RHBDD1: variants seen among roughly 807,000 people sequenced by gnomAD.
RHBDD1 encodes the protein rhomboid-related protein 4.
A neutral mutation model predicts 36.3 loss-of-function variants in RHBDD1; 38 were observed. That is an observed-to-expected ratio of 1.05 (90% CI 0.81 to 1.37). RHBDD1 has a LOEUF of 1.37. Among genes scored for constraint, RHBDD1 ranks in the 40% most tolerant of loss-of-function variants. The pLI, the probability that RHBDD1 is intolerant of heterozygous loss-of-function variation, is 0.00. For synonymous variants in RHBDD1, 151 were observed against 136.5 expected, an observed-to-expected ratio of 1.11 and a Z score of -0.74; for missense variants, 393 against 377.6, an observed-to-expected ratio of 1.04 and a Z score of -0.34.
In RHBDD1 at chr2:226,904,418, G is replaced by T. The variant is rs536040090; in HGVS notation, c.567-2375G>T. Among the ~76,000 whole-genome samples the T allele has an allele frequency of 2.7e-5, 4 of 148,714 alleles. 1 individual carries two copies. Among genetic ancestry groups the T allele is most frequent in the Admixed American group, 6.7e-5 (1 of 14,870 alleles). Reference sequence around the variant, plus strand: ...CACTGTGGCACATCCTGCAAGCGGGGGGGGAGGGGGGTCAGGGAACTCCTG... The same window carrying T: ...CACTGTGGCACATCCTGCAAGCGGGTGGGGAGGGGGGTCAGGGAACTCCTG... On this transcript the variant is annotated intron_variant, in intron 5 of 8. Coordinates refer to ENST00000392062, the MANE Select transcript of RHBDD1 (RefSeq NM_001167608.3).
chr2:226,885,657 A>G (rs998064617), intron 5 of RHBDD1, among the ~76,000 whole-genome samples: 10 of 152,216 alleles, frequency 6.6e-5, no homozygotes, highest in African/African-American at 2.4e-4. Flanking sequence ...AGTTAACTCA[A>G]GGTTGTGGAA....
At chr2:226,889,576 A>C (rs1462068456) in intron 5 of RHBDD1, among the ~76,000 whole-genome samples, 1 of 152,234 alleles carries the variant, frequency 6.6e-6, no homozygotes, top group Non-Finnish European at 1.5e-5. Context: ...TACAAATTAG[A>C]AATCAGTAGA....
At chr2:226,898,851 T>A (rs1284240138) in intron 5 of RHBDD1, among the ~76,000 whole-genome samples, 1 of 152,100 alleles carries the variant, frequency 6.6e-6, no homozygotes, top group Non-Finnish European at 1.5e-5. Flanking sequence ...TCGTGGAGAG[T>A]ACAATAGGCC....
upstream of RHBDD1, among the ~76,000 whole-genome samples, chr2:226,830,594 T>G (rs567779144): frequency 5.3e-5 from 8 of 152,342 alleles, no homozygotes; most frequent in Admixed American, 1.3e-4. Flanking sequence ...ACCCTCAGAC[T>G]CTTGGGCTCA....
At chr2:226,870,186 T>C (rs2303856) in intron 5 of RHBDD1, among the ~76,000 whole-genome samples, 28,313 of 152,084 alleles carry the variant, frequency 0.19, 4,308 homozygotes, top group African/African-American at 0.42. Context: ...ACAGCCTCTC[T>C]GAGCCTCATT....
rs150889701 is a variant in RHBDD1 at position 226,915,687 on chromosome 2, C to T, written c.856+1336C>T. 6.6e-5 allele frequency among the ~76,000 whole-genome samples: 10 copies of T among 152,078 alleles called. No individual in the cohort carries two copies. In the East Asian group the frequency reaches 1.7e-3, roughly 26 times the overall value. ...CATGGAGGTGGGGAATGACAACAAG[C>T]GGGAGACAAGTTGGAAGACTATATT... On this transcript the variant is annotated intron_variant, in intron 8 of 8. Coordinates refer to ENST00000392062, the MANE Select transcript of RHBDD1 (RefSeq NM_001167608.3).
At chr2:226,987,108 A>G (rs1330531350) in intron 8 of RHBDD1, among the ~76,000 whole-genome samples, 2 of 152,214 alleles carry the variant, frequency 1.3e-5, no homozygotes, top group Non-Finnish European at 2.9e-5. Context: ...GTTCTCGCTC[A>G]TAAGTGGGAG....
chr2:226,833,240 A>G (rs1280282856), upstream of RHBDD1, among the ~76,000 whole-genome samples: 1 of 152,246 alleles, frequency 6.6e-6, no homozygotes, highest in Non-Finnish European at 1.5e-5. Context: ...ATTTTGGTAC[A>G]GTTTTGGGTA....
intron 8 of RHBDD1, among the ~76,000 whole-genome samples, chr2:226,932,239 A>T (rs79454358): frequency 0.014 from 2,089 of 152,234 alleles, 42 homozygotes; most frequent in African/African-American, 0.048. Flanking sequence ...GCTGTATTAC[A>T]CTTCATCCTG....
chr2:226,924,886 T>A (rs950364075), intron 8 of RHBDD1, among the ~76,000 whole-genome samples: 6 of 152,230 alleles, frequency 3.9e-5, no homozygotes, highest in African/African-American at 1.4e-4. Context: ...AGGAGTGGCA[T>A]TGGCAATTCA....
the RHBDD1 span, among the ~76,000 whole-genome samples, chr2:226,806,318 A>G: frequency 1.3e-5 from 2 of 152,116 alleles, no homozygotes; most frequent in Admixed American, 6.5e-5. Context: ...GGAATTGTTC[A>G]AATCAAAGCT....
At chr2:226,890,064 A>G (rs1442942690) in intron 5 of RHBDD1, among the ~76,000 whole-genome samples, 1 of 152,200 alleles carries the variant, frequency 6.6e-6, no homozygotes, top group African/African-American at 2.4e-5. Context: ...ACCTGCAGGT[A>G]CAAGGTGAGG....
chr2:226,918,997 A>G (rs932598207), intron 8 of RHBDD1, among the ~76,000 whole-genome samples: 1 of 152,042 alleles, frequency 6.6e-6, no homozygotes, highest in Non-Finnish European at 1.5e-5. Context: ...TCTCTTGCAT[A>G]AAAGCCATTT....
intron 8 of RHBDD1, among the ~76,000 whole-genome samples, chr2:226,935,949 A>G (rs557266456): frequency 2.0e-5 from 3 of 152,252 alleles, no homozygotes; most frequent in African/African-American, 4.8e-5. Flanking sequence ...AATGTATGCA[A>G]ATTTTCACTG....
At chr2:226,873,350 A>G (rs957192397) in intron 5 of RHBDD1, among the ~76,000 whole-genome samples, 1 of 152,178 alleles carries the variant, frequency 6.6e-6, no homozygotes, top group Non-Finnish European at 1.5e-5. Flanking sequence ...TCCAGTGACA[A>G]CTGATATGGG....
intron 8 of RHBDD1, among the ~76,000 whole-genome samples, chr2:226,991,037 G>A (rs1218362997): frequency 2.0e-5 from 3 of 152,226 alleles, no homozygotes; most frequent in African/African-American, 7.2e-5. Context: ...GCTGCTTAAT[G>A]AAAGTCATTA....
chr2:226,956,871 A>G (rs1483152374), intron 8 of RHBDD1, among the ~76,000 whole-genome samples: 1 of 152,136 alleles, frequency 6.6e-6, no homozygotes, highest in Non-Finnish European at 1.5e-5. Context: ...TGGCAATGTG[A>G]TGTTTCAAGG....
At chr2:226,839,891 C>CG (rs1056096909) in intron 3 of RHBDD1, among the ~76,000 whole-genome samples, 5 of 152,002 alleles carry the variant, frequency 3.3e-5, no homozygotes, top group Admixed American at 6.6e-5. Flanking sequence ...ACAAATGACT[C>CG]GGGGAAAAAG....
chr2:226,928,996 T>C (rs1205052646), intron 8 of RHBDD1, among the ~76,000 whole-genome samples: 1 of 152,026 alleles, frequency 6.6e-6, no homozygotes, highest in Non-Finnish European at 1.5e-5. Flanking sequence ...ACCAGTGAGA[T>C]TGAATCCATA....
Sources: allele counts gnomAD v4.1 joint callset (sites outside exome capture counted in the v4.1 genomes callset), GRCh38; gene constraint gnomAD v4.1.1; transcripts MANE v1.5; gene names NCBI Gene and HGNC (gene_info 2026-07-23, HGNC 2026-07-21).